The following AGXT2 variants were observed in gnomAD, a reference collection of about 807,000 sequenced individuals.
AGXT2 encodes the protein alanine--glyoxylate aminotransferase 2, mitochondrial.
Under a neutral mutation model 62.5 loss-of-function variants are expected in AGXT2, and 61 were observed. That is an observed-to-expected ratio of 0.98 (90% CI 0.79 to 1.21). AGXT2 has a LOEUF of 1.21. Ranked by LOEUF, AGXT2 falls within the 50% of genes most tolerant of loss-of-function variation. The probability of loss-of-function intolerance (pLI) is 0.00; values close to 1 mark genes in which losing one functional copy is unlikely to be tolerated. For missense variants in AGXT2, 666 were observed against 641.5 expected (o/e 1.04, Z -0.41); for synonymous variants, 243 against 218.7 (o/e 1.11, Z -0.98).
chr5:34,998,854 C>CAAAT (rs1766125580), intron 13 of AGXT2, 28 bp from the exon 14 acceptor site: 1 of 1,476,176 alleles, frequency 6.8e-7, no homozygotes, highest in South Asian at 1.1e-5. Flanking sequence ...AATAAGAAAA[C>CAAAT]AAATCATCAG....
chr5:35,007,702 A>G (rs1416159874), intron 12 of AGXT2, among the ~76,000 whole-genome samples: 2 of 152,160 alleles, frequency 1.3e-5, no homozygotes, highest in African/African-American at 4.8e-5. Flanking sequence ...CGAAGAGAAA[A>G]AGAGCCCCTT....
At chr5:35,007,360 T>C (rs972421698) in intron 12 of AGXT2, among the ~76,000 whole-genome samples, 1 of 152,196 alleles carries the variant, frequency 6.6e-6, no homozygotes, top group African/African-American at 2.4e-5. Flanking sequence ...TGGACTAATA[T>C]AGTGGAAAAG....
At chr5:35,011,941 C>CAA (rs1766658176) in intron 11 of AGXT2, among the ~76,000 whole-genome samples, 1 of 151,590 alleles carries the variant, frequency 6.6e-6, no homozygotes, top group South Asian at 2.1e-4. Flanking sequence ...CACACACACA[C>CAA]ACACACACAC....
chr5:35,029,957 C>T (rs928850145), intron 7 of AGXT2, among the ~76,000 whole-genome samples: 2 of 152,278 alleles, frequency 1.3e-5, no homozygotes, highest in East Asian at 3.9e-4. Context: ...AAAATCTCTA[C>T]CATGGTTGGT....
chr5:35,026,994 G>A (rs1489325871), intron 7 of AGXT2: 1 of 985,278 alleles, frequency 1.0e-6, no homozygotes, highest in African/African-American at 1.7e-5. Context: ...TATGCTTGTA[G>A]AACAATTAGA....
intron 9 of AGXT2, among the ~76,000 whole-genome samples, chr5:35,023,440 T>C (rs977220858): frequency 2.6e-5 from 4 of 152,226 alleles, no homozygotes; most frequent in African/African-American, 9.6e-5. Context: ...GAGGATTGCC[T>C]GTGTTAGATA....
intron 1 of AGXT2, among the ~76,000 whole-genome samples, chr5:35,041,228 A>G (rs1220079936): frequency 6.7e-6 from 1 of 149,586 alleles, no homozygotes; most frequent in Non-Finnish European, 1.5e-5. Context: ...CCCGCCAAAA[A>G]AAAAAAAAAA....
At chr5:35,030,847 C>G (rs959043711) in intron 7 of AGXT2, among the ~76,000 whole-genome samples, 1 of 152,142 alleles carries the variant, frequency 6.6e-6, no homozygotes, top group African/African-American at 2.4e-5. Context: ...GTTCTTGATG[C>G]CTTACAGATG....
chr5:35,001,173 T>C (rs745660362), intron 13 of AGXT2, among the ~76,000 whole-genome samples: 13 of 152,326 alleles, frequency 8.5e-5, no homozygotes, highest in Non-Finnish European at 1.8e-4. Context: ...GTAACCCCAC[T>C]ATAAGTCAAG....
intron 3 of AGXT2, among the ~76,000 whole-genome samples, chr5:35,037,360 T>C (rs1163329430): frequency 6.6e-6 from 1 of 152,238 alleles, no homozygotes; most frequent in Non-Finnish European, 1.5e-5. Flanking sequence ...TTAGAATTTC[T>C]TCTAGCTATG....
chr5:35,005,766 T>G (rs1766397751), intron 12 of AGXT2, among the ~76,000 whole-genome samples: 1 of 152,034 alleles, frequency 6.6e-6, no homozygotes, highest in African/African-American at 2.4e-5. Context: ...AACTGCTTGA[T>G]AATGAAGTGG....
chr5:35,002,447 G>C (rs1258020347), intron 13 of AGXT2, among the ~76,000 whole-genome samples: 1 of 152,182 alleles, frequency 6.6e-6, no homozygotes, highest in Non-Finnish European at 1.5e-5. Flanking sequence ...AACCTTCAGG[G>C]AAGGAAGTGC....
chr5:35,002,776 T>TGGGG (rs139567894), intron 13 of AGXT2, among the ~76,000 whole-genome samples: 34 of 122,954 alleles, frequency 2.8e-4, no homozygotes, highest in African/African-American at 9.6e-4. Context: ...GATAGCAGGC[T>TGGGG]GGGGGGGGGG....
rs1239116299 is a variant in AGXT2, at chr5:35,033,563, A to C, written c.582-10T>G. On this transcript the variant is annotated splice_polypyrimidine_tract_variant and intron_variant, in intron 5 of 13. Coordinates refer to ENST00000231420, the MANE Select transcript of AGXT2 (RefSeq NM_031900.4). Reference sequence around the variant, plus strand: ...TCCATGGTAGGCTCCTCTGCAGAGAAGAAACAACAGGAGGATGGGGTCAAG... The same window carrying C: ...TCCATGGTAGGCTCCTCTGCAGAGACGAAACAACAGGAGGATGGGGTCAAG... 6 of 1,609,232 alleles carry C rather than the reference A, an allele frequency of 3.7e-6. No individual in the cohort carries two copies. Among genetic ancestry groups the C allele is most frequent in the Non-Finnish European group, 5.1e-6 (6 of 1,175,632 alleles).
At chr5:35,016,177 A>G (rs1766843523) in intron 9 of AGXT2, among the ~76,000 whole-genome samples, 1 of 152,166 alleles carries the variant, frequency 6.6e-6, no homozygotes, top group African/African-American at 2.4e-5. Flanking sequence ...CCATCTAAAT[A>G]CCATACATAA....
At chr5:35,018,132 A>C (rs1241181340) in intron 9 of AGXT2, among the ~76,000 whole-genome samples, 1 of 152,234 alleles carries the variant, frequency 6.6e-6, no homozygotes, top group Non-Finnish European at 1.5e-5. Context: ...GAATGGAACC[A>C]AGTTGGAGAA....
chr5:35,038,762 C>G (rs908682776), intron 3 of AGXT2, among the ~76,000 whole-genome samples: 1 of 152,180 alleles, frequency 6.6e-6, no homozygotes, highest in Non-Finnish European at 1.5e-5. Context: ...AAACCAAGAA[C>G]GCTCCAAGGG....
chr5:34,998,766 C>T lies in AGXT2; in HGVS notation c.1498G>A (p.Val500Ile), dbSNP rs765249777. 1.2e-6 allele frequency: 2 copies of T among 1,614,070 alleles called. No individual in the cohort carries two copies. Among genetic ancestry groups the T allele is most frequent in the South Asian group, 2.2e-5 (2 of 91,074 alleles). ...TGTTGGGTTAAGGCAGAACGAAATA[C>T]TTCTACTGCAAAATCAACTTCTGGT... ...TKPEVDFAVE[V>I]FRSALTQHME... is the part of the protein sequence containing the mutation. The change falls in exon 14 of 14, where the codon GTA (valine) becomes ATA (isoleucine). Residue 500 changes from valine (V) to isoleucine (I), a missense_variant. Val to Ile is a conservative substitution (Grantham distance 29, BLOSUM62 3). Coordinates refer to ENST00000231420, the MANE Select transcript of AGXT2 (RefSeq NM_031900.4).
Position 35,033,482 on chromosome 5 carries a change from G to A in AGXT2, c.653C>T (p.Pro218Leu). Residue 218 changes from proline (P) to leucine (L), a missense_variant, in exon 6 of 14, where the codon CCT becomes CTT. Physicochemically the swap from Pro to Leu is moderately conservative, Grantham distance 98. Coordinates refer to ENST00000231420, the MANE Select transcript of AGXT2 (RefSeq NM_031900.4). ...CACTGGTTGGCAACCTGTCCCACCA[G>A]GGAGTTCCATCTTGTAGGTCCCTAC... ...TNVGTYKMEL[P>L]GGTGCQPTMC... is the part of the protein sequence containing the mutation. 1 of 1,613,544 alleles carries A rather than the reference G, an allele frequency of 6.2e-7. No individual in the cohort carries two copies. Among genetic ancestry groups the A allele is most frequent in the Non-Finnish European group, 8.5e-7 (1 of 1,179,476 alleles).
Sources: allele counts gnomAD v4.1 joint callset (sites outside exome capture counted in the v4.1 genomes callset), GRCh38; gene constraint gnomAD v4.1.1; transcripts MANE v1.5; gene names NCBI Gene and HGNC (gene_info 2026-07-23, HGNC 2026-07-21).